Variants in HADHA observed in about 807,000 individuals in gnomAD.
HADHA encodes the protein trifunctional enzyme subunit alpha, mitochondrial.
HADHA carries 59 observed loss-of-function variants against 91.3 expected under a neutral mutation model. That is an observed-to-expected ratio of 0.65 (90% CI 0.52 to 0.80). The LOEUF is 0.80. Ranked by LOEUF, HADHA falls within the 30% of genes least tolerant of loss-of-function variation. HADHA has a pLI of 0.00. For synonymous variants in HADHA, 320 were observed against 338.9 expected, an observed-to-expected ratio of 0.94 and a Z score of 0.61; for missense variants, 800 against 927.6, an observed-to-expected ratio of 0.86 and a Z score of 1.79.
chr2:26,191,270 T>G lies in HADHA; in HGVS notation c.2272A>C (p.Asn758His). The G allele has an allele frequency of 6.2e-7, 1 of 1,612,766 alleles. No individual in the cohort carries two copies. The highest frequency in any genetic ancestry group is 2.2e-5 in the East Asian group (1 of 44,884). Residue 758 changes from asparagine (N) to histidine (H), a missense_variant, in exon 20 of 20, where the codon AAC becomes CAC. By Grantham distance (68) the Asn-to-His change is moderately conservative. Coordinates refer to ENST00000380649, the MANE Select transcript of HADHA (RefSeq NM_000182.5). ...QLLADHANSP[N>H]KKFYQ Reference sequence around the variant, plus strand: ...CCTGCTCACTGGTAGAACTTCTTGTTAGGGCTGTTAGCATGGTCAGCTAGC... The same window carrying G: ...CCTGCTCACTGGTAGAACTTCTTGTGAGGGCTGTTAGCATGGTCAGCTAGC...
rs4665323 is a variant in HADHA, at chr2:26,221,988, G to T, written c.677-6813C>A. On this transcript the variant is annotated intron_variant, in intron 7 of 19. Transcript: ENST00000380649. The surrounding 1 kb of genome is among the most constrained non-coding windows in gnomAD (Gnocchi z 4.8). ...ACACAGATGAAAAACTGTTGGCAAGGTGTTATGGGCTGAATTGTGTCCCCC... is the reference window on the plus strand; with the variant it reads ...ACACAGATGAAAAACTGTTGGCAAGTTGTTATGGGCTGAATTGTGTCCCCC... 0.093 allele frequency among the ~76,000 whole-genome samples: 14,145 copies of T among 152,264 alleles called. 2,286 individuals are homozygous for T. Among genetic ancestry groups the T allele is most frequent in the East Asian group, 0.75 (3,880 of 5,172 alleles).
chr2:26,233,556 C>G (rs1291364128), intron 5 of HADHA, among the ~76,000 whole-genome samples: 1 of 152,178 alleles, frequency 6.6e-6, no homozygotes, highest in African/African-American at 2.4e-5. Flanking sequence ...TTACTACTGA[C>G]AAAGCACTTA....
At chr2:26,204,920 C>T (rs1669937037) in intron 11 of HADHA, among the ~76,000 whole-genome samples, 2 of 152,164 alleles carry the variant, frequency 1.3e-5, no homozygotes, top group African/African-American at 4.8e-5. Flanking sequence ...CTTTATCACT[C>T]CTCGTCTGGA....
At chr2:26,240,337 T>C (rs1463089851) in intron 1 of HADHA, among the ~76,000 whole-genome samples, 1 of 152,182 alleles carries the variant, frequency 6.6e-6, no homozygotes, top group Non-Finnish European at 1.5e-5. Context: ...AAAATCCCTG[T>C]CTTGGTGGAG....
At chr2:26,207,652 C>T (rs181443186) in intron 11 of HADHA, among the ~76,000 whole-genome samples, 63 of 152,220 alleles carry the variant, frequency 4.1e-4, no homozygotes, top group Admixed American at 1.3e-4. Context: ...CTATGGTGCA[C>T]GATGCTTTAT....
chr2:26,209,785 A>G lies in HADHA; in HGVS notation c.1080T>C (p.Asp360=). Residue 360 remains aspartate, a synonymous_variant, in exon 11 of 20, where the codon GAT becomes GAC. Coordinates refer to ENST00000380649, the MANE Select transcript of HADHA (RefSeq NM_000182.5). ...CTACGTAGAGTTTAACTTACTTAAC[A>G]TCCTTCTGTGGAGCTCCAAATTTAT... ...KKNKFGAPQK[D]VKHLAILGAG... 6.7e-7 allele frequency: 1 copy of G among 1,495,116 alleles called. No homozygotes were observed. The highest frequency in any genetic ancestry group is 9.3e-7 in the Non-Finnish European group (1 of 1,071,500). 92.6% of individuals were successfully genotyped at this position (1,495,116 alleles called of 1,614,324 possible).
intron 17 of HADHA, among the ~76,000 whole-genome samples, chr2:26,193,034 G>C (rs1186035594): frequency 6.6e-6 from 1 of 152,138 alleles, no homozygotes. Context: ...TGCCAAGACA[G>C]AAAGTCACTT....
At chr2:26,239,724 T>TAA (rs1259484764) in intron 1 of HADHA, among the ~76,000 whole-genome samples, 1 of 139,994 alleles carries the variant, frequency 7.1e-6, no homozygotes, top group Non-Finnish European at 1.6e-5. Flanking sequence ...GGTGACACAT[T>TAA]AAAAAAAAAA....
chr2:26,192,573 G>A (rs1322900084), intron 17 of HADHA, 149 bp from the exon 18 acceptor site: 2 of 674,598 alleles, frequency 3.0e-6, no homozygotes, highest in East Asian at 2.8e-5. Context: ...ATCATTTGAG[G>A]TCAGGAGTTT....
intron 10 of HADHA, among the ~76,000 whole-genome samples, chr2:26,211,153 C>G (rs4665837): frequency 6.6e-6 from 1 of 152,098 alleles, no homozygotes; most frequent in African/African-American, 2.4e-5. Context: ...ATATAAAAAG[C>G]GGAATACACA....
chr2:26,204,141 C>T lies in HADHA; in HGVS notation c.1141G>A (p.Val381Met), dbSNP rs764067083. The change falls in exon 12 of 20, where the codon GTG (valine) becomes ATG (methionine). Residue 381 changes from valine (V) to methionine (M), a missense_variant. Val to Met is a conservative substitution (Grantham distance 21). Transcript: ENST00000380649. ...AGTATAGTCTTTAGCCCCTTATCCACGGAGACTTGGGCGATGCCTGCTCCC... is the reference window on the plus strand; with the variant it reads ...AGTATAGTCTTTAGCCCCTTATCCATGGAGACTTGGGCGATGCCTGCTCCC... ...LMGAGIAQVS[V>M]DKGLKTILKD... 27 of 1,613,476 alleles carry T rather than the reference C, an allele frequency of 1.7e-5. No individual in the cohort carries two copies. Among genetic ancestry groups the T allele is most frequent in the African/African-American group, 8.0e-5 (6 of 74,928 alleles).
In HADHA at chr2:26,229,230, C is replaced by T. The variant is rs139828590; in HGVS notation, c.676+962G>A. Among the ~76,000 whole-genome samples the T allele has an allele frequency of 3.0e-3, 461 of 151,740 alleles. 2 individuals carry two copies. Among genetic ancestry groups the T allele is most frequent in the African/African-American group, 0.01 (426 of 41,346 alleles). On this transcript the variant is annotated intron_variant, in intron 7 of 19. Coordinates refer to ENST00000380649, the MANE Select transcript of HADHA (RefSeq NM_000182.5). The surrounding 1 kb of genome is among the most constrained non-coding windows in gnomAD (Gnocchi z 4.3). Reference sequence around the variant, plus strand: ...GCGTATGCCTGTGGTCTCAGCTACTCGGGGGGCACAAGTGGGAAGATCATT... The same window carrying T: ...GCGTATGCCTGTGGTCTCAGCTACTTGGGGGGCACAAGTGGGAAGATCATT...
Position 26,239,160 on chromosome 2 carries a change from T to C in HADHA, c.68-17A>G. ...ATATATAACCTGTAAGAAAAGACAT[T>C]TCAAAATTAATTTGCGAAACAATTT... On this transcript the variant is annotated splice_polypyrimidine_tract_variant and intron_variant, in intron 1 of 19. Coordinates refer to ENST00000380649, the MANE Select transcript of HADHA (RefSeq NM_000182.5). The C allele has an allele frequency of 6.4e-7, 1 of 1,564,958 alleles. No homozygotes were observed. The highest frequency in any genetic ancestry group is 8.8e-7 in the Non-Finnish European group (1 of 1,135,604).
chr2:26,236,928 C>T lies in HADHA; in HGVS notation c.241G>A (p.Ala81Thr), dbSNP rs1281408938. The T allele has an allele frequency of 1.2e-6, 2 of 1,607,512 alleles. No individual in the cohort carries two copies. Among genetic ancestry groups the T allele is most frequent in the African/African-American group, 2.7e-5 (2 of 74,768 alleles). The change falls in exon 4 of 20, where the codon GCT becomes ACT. Residue 81 changes from alanine (A) to threonine (T), a missense_variant. Ala to Thr is a moderately conservative substitution (Grantham distance 58). Transcript: ENST00000380649. ...EFSEVMNEIW[A>T]SDQIRSAVLI... Reference sequence around the variant, plus strand: ...ACGGCACTTCTGATTTGATCACTAGCCCAGATTTCATTCATAACTTCTGAG... The same window carrying T: ...ACGGCACTTCTGATTTGATCACTAGTCCAGATTTCATTCATAACTTCTGAG...
At chr2:26,217,602 A>G (rs1670271138) in intron 7 of HADHA, among the ~76,000 whole-genome samples, 1 of 152,190 alleles carries the variant, frequency 6.6e-6, no homozygotes, top group Admixed American at 6.5e-5. Context: ...ATATAGAAGT[A>G]TAAAGAAAAG....
intron 11 of HADHA, among the ~76,000 whole-genome samples, chr2:26,208,117 T>C (rs1670011438): frequency 1.3e-5 from 2 of 152,214 alleles, no homozygotes; most frequent in Admixed American, 1.3e-4. Context: ...TCTGCCCATT[T>C]AGTTCTGAGT....
At chr2:26,237,873 G>A (rs565951324) in intron 3 of HADHA, among the ~76,000 whole-genome samples, 5 of 152,252 alleles carry the variant, frequency 3.3e-5, no homozygotes, top group African/African-American at 9.6e-5. Context: ...AATATCTTAA[G>A]CTTGAATCAT....
chr2:26,217,516 C>A (rs1000976990), intron 7 of HADHA, among the ~76,000 whole-genome samples: 9 of 152,092 alleles, frequency 5.9e-5, no homozygotes, highest in Non-Finnish European at 1.3e-4. Context: ...AACCAAGGCA[C>A]ATCATAATCA....
rs1445632967 is a variant in HADHA at position 26,214,852 on chromosome 2, T to A, written c.799+201A>T. Among the ~76,000 whole-genome samples, 1 of 152,124 alleles carries A rather than the reference T, an allele frequency of 6.6e-6. No individual in the cohort carries two copies. Among genetic ancestry groups the A allele is most frequent in the African/African-American group, 2.4e-5 (1 of 41,402 alleles). ...AAAGTTTTCTATGACTCAAGGGTCA[T>A]CATAAGGAAAAAAAAGGTTTTAAAA... On this transcript the variant is annotated intron_variant, in intron 8 of 19. Transcript: ENST00000380649. This position sits in a 1 kb window ranked among gnomAD's most constrained non-coding sequence, Gnocchi z 4.1.
Sources: gnomAD v4.1 joint callset for allele counts (sites outside exome capture counted in the v4.1 genomes callset) on GRCh38, gnomAD v4.1.1 for gene constraint, Gnocchi (gnomAD v3.1) non-coding constraint, MANE v1.5 for transcripts, NCBI Gene and HGNC (gene_info 2026-07-23, HGNC 2026-07-21) for gene names.